Variants in NEK6 observed in about 807,000 individuals in gnomAD.
The protein encoded by NEK6 is NIMA related kinase 6.
In NEK6, 27 loss-of-function variants were observed where a neutral mutation model predicts 43.5. That is an observed-to-expected ratio of 0.62 (90% CI 0.46 to 0.86). The LOEUF (loss-of-function observed/expected upper bound fraction) is 0.86. NEK6 is among the 40% of genes least tolerant of loss of function. The probability of loss-of-function intolerance (pLI) is 0.00; values close to 1 mark genes in which losing one functional copy is unlikely to be tolerated. For synonymous variants in NEK6, 167 were observed against 164.1 expected (o/e 1.02, Z -0.14); for missense variants, 318 against 414.4 (o/e 0.77, Z 2.02).
At chr9:124,269,596 C>T (rs548035592) in intron 1 of NEK6, among the ~76,000 whole-genome samples, 53 of 152,062 alleles carry the variant, frequency 3.5e-4, no homozygotes, top group African/African-American at 1.2e-3. Context: ...AGGCTGGTCT[C>T]GAGTGATCCG....
intron 4 of NEK6, 148 bp from the exon 5 acceptor site, chr9:124,321,311 C>A (rs1166505704): frequency 6.6e-6 from 4 of 605,164 alleles, no homozygotes; most frequent in Non-Finnish European, 1.2e-5. Flanking sequence ...GACTCCCCAG[C>A]ACAGGCCTTT....
At chr9:124,267,642 A>T (rs1588436972) in intron 1 of NEK6, among the ~76,000 whole-genome samples, 1 of 152,298 alleles carries the variant, frequency 6.6e-6, no homozygotes, top group Admixed American at 6.5e-5. Context: ...CCAAGGGGTG[A>T]TGGGCACACC....
intron 1 of NEK6, chr9:124,265,504 A>T (rs955556142): frequency 6.6e-6 from 1 of 152,086 alleles, no homozygotes; most frequent in Non-Finnish European, 1.5e-5. Flanking sequence ...CTTGGGCAAT[A>T]GAGTGAGACT....
intron 1 of NEK6, among the ~76,000 whole-genome samples, chr9:124,298,270 C>A (rs1025954503): frequency 6.6e-6 from 1 of 151,958 alleles, no homozygotes; most frequent in Admixed American, 6.6e-5. Flanking sequence ...CTCTGGCTCT[C>A]GGTGGGTAGG....
intron 2 of NEK6, among the ~76,000 whole-genome samples, chr9:124,311,745 A>G (rs1457189115): frequency 6.6e-6 from 1 of 152,214 alleles, no homozygotes; most frequent in African/African-American, 2.4e-5. Flanking sequence ...GCTGGAGTGC[A>G]GTGGCATGAT....
intron 2 of NEK6, among the ~76,000 whole-genome samples, chr9:124,303,300 T>C (rs917306414): frequency 6.6e-6 from 1 of 152,252 alleles, no homozygotes; most frequent in Non-Finnish European, 1.5e-5. Context: ...TCCTGAGCCA[T>C]GGAGGGCTTG....
intron 2 of NEK6, among the ~76,000 whole-genome samples, chr9:124,302,760 C>CA (rs1459990785): frequency 6.6e-6 from 1 of 152,244 alleles, no homozygotes; most frequent in Non-Finnish European, 1.5e-5. Flanking sequence ...GGGCTGCCCG[C>CA]ACACCTGTGT....
chr9:124,293,459 T>G (rs1330393493), intron 1 of NEK6, among the ~76,000 whole-genome samples: 1 of 152,234 alleles, frequency 6.6e-6, no homozygotes, highest in African/African-American at 2.4e-5. Flanking sequence ...CTCCTTTAAC[T>G]GAGAGACAAG....
At chr9:124,335,207 C>G (rs1219244434) in intron 7 of NEK6, among the ~76,000 whole-genome samples, 1 of 152,128 alleles carries the variant, frequency 6.6e-6, no homozygotes, top group Non-Finnish European at 1.5e-5. Context: ...GTGTTTCATC[C>G]CATGGTTGGC....
intron 8 of NEK6, among the ~76,000 whole-genome samples, chr9:124,340,797 CCA>C (rs534293822): frequency 3.3e-4 from 50 of 152,232 alleles, no homozygotes; most frequent in Non-Finnish European, 6.5e-4. Flanking sequence ...GCGCAGTTGT[CCA>C]CAGAGCCTGA....
chr9:124,282,131 C>A (rs1043523870), intron 1 of NEK6, among the ~76,000 whole-genome samples: 1 of 152,232 alleles, frequency 6.6e-6, no homozygotes, highest in African/African-American at 2.4e-5. Flanking sequence ...TTCATTCTCT[C>A]TTGGAGAATC....
At chr9:124,334,858 G>A (rs755808909) in intron 7 of NEK6, among the ~76,000 whole-genome samples, 14 of 152,274 alleles carry the variant, frequency 9.2e-5, no homozygotes, top group South Asian at 4.1e-4. Context: ...GCCACACCCC[G>A]GCCCCAGTGT....
intron 1 of NEK6, among the ~76,000 whole-genome samples, chr9:124,276,533 T>C (rs1392625106): frequency 2.0e-5 from 3 of 152,120 alleles, no homozygotes; most frequent in Non-Finnish European, 4.4e-5. Flanking sequence ...GGCCATTGAA[T>C]CCCCGTGGAC....
At chr9:124,294,465 C>A (rs1425672080) in intron 1 of NEK6, among the ~76,000 whole-genome samples, 9 of 151,084 alleles carry the variant, frequency 6.0e-5, no homozygotes, top group African/African-American at 2.0e-4. Context: ...GCACTCAAGC[C>A]TGGGCGACAA....
upstream of NEK6, chr9:124,257,851 C>T (rs1445611428): frequency 3.7e-6 from 4 of 1,088,102 alleles, no homozygotes; most frequent in East Asian, 7.7e-5. Flanking sequence ...GCGCCCCCCG[C>T]CCCTCAAGCT....
intron 3 of NEK6, among the ~76,000 whole-genome samples, chr9:124,312,992 G>A (rs973872551): frequency 1.3e-5 from 2 of 152,156 alleles, no homozygotes; most frequent in East Asian, 3.8e-4. Context: ...AGTCTTGGGG[G>A]AGCTGAGGTT....
At position 124,275,793 on chromosome 9, in the gene NEK6, T is replaced by C. The variant is rs570152667; in HGVS notation, c.-30+17708T>C. Among the ~76,000 whole-genome samples the C allele has an allele frequency of 1.3e-5, 2 of 152,286 alleles. No individual in the cohort carries two copies. The highest frequency in any genetic ancestry group is 1.9e-4 in the East Asian group (1 of 5,182). On this transcript the variant is annotated intron_variant, in intron 1 of 9. Coordinates refer to ENST00000320246, the MANE Select transcript of NEK6 (RefSeq NM_014397.6). The surrounding 1 kb of genome is among the most constrained non-coding windows in gnomAD (Gnocchi z 4.4). ...TGACGGTAATGAGGGGAGGGAGCAATGCACCCTTCGTTTGTTCCTCAGGCC... is the reference window on the plus strand; with the variant it reads ...TGACGGTAATGAGGGGAGGGAGCAACGCACCCTTCGTTTGTTCCTCAGGCC...
chr9:124,308,771 C>T (rs80105756), intron 2 of NEK6, among the ~76,000 whole-genome samples: 8,283 of 152,058 alleles, frequency 0.054, 357 homozygotes, highest in African/African-American at 0.13. Context: ...GCCAGCCCCA[C>T]GCCCGTCTTG....
upstream of NEK6, chr9:124,257,735 T>A (rs572719452): frequency 8.5e-6 from 13 of 1,527,136 alleles, no homozygotes; most frequent in African/African-American, 1.8e-4. Context: ...AGTCTGGGCC[T>A]CAGTCTTCCC....
Sources: allele counts gnomAD v4.1 joint callset (sites outside exome capture counted in the v4.1 genomes callset), GRCh38; gene constraint gnomAD v4.1.1; non-coding constraint Gnocchi (gnomAD v3.1); transcripts MANE v1.5; gene names NCBI Gene and HGNC (gene_info 2026-07-23, HGNC 2026-07-21).